The following SLC35F2 variants were observed in gnomAD, a reference collection of about 807,000 sequenced individuals.
The protein encoded by SLC35F2 is queuine/queuosine transporter SLC35F2.
In SLC35F2, 25 loss-of-function variants were observed where a neutral mutation model predicts 38.1. The observed-to-expected ratio is 0.66, with a 90% confidence interval of 0.48 to 0.92. The LOEUF (loss-of-function observed/expected upper bound fraction) is 0.92, where lower values mean the gene tolerates loss of function less well. SLC35F2 is among the 40% of genes least tolerant of loss of function. The pLI is 0.00. For missense variants in SLC35F2, 409 were observed against 452.9 expected (o/e 0.90, Z 0.88); for synonymous variants, 173 against 181.7 (o/e 0.95, Z 0.38).
intron 1 of SLC35F2, among the ~76,000 whole-genome samples, chr11:107,848,855 A>C (rs1262739828): frequency 6.6e-6 from 1 of 152,174 alleles, no homozygotes; most frequent in East Asian, 1.9e-4. Flanking sequence ...GAACCCCAAG[A>C]GCTCCTCCGG....
chr11:107,819,451 C>A (rs989196156), intron 1 of SLC35F2, among the ~76,000 whole-genome samples: 24 of 152,162 alleles, frequency 1.6e-4, no homozygotes, highest in Admixed American at 1.4e-3. Flanking sequence ...AGGTAGCATT[C>A]TTTCTAAGCA....
intron 1 of SLC35F2, among the ~76,000 whole-genome samples, chr11:107,848,221 C>T (rs763054963): frequency 6.6e-6 from 1 of 151,268 alleles, no homozygotes; most frequent in Non-Finnish European, 1.5e-5. Flanking sequence ...TATTTTACCA[C>T]AATAAAAAAG....
chr11:107,834,610 A>G (rs1010177384), intron 1 of SLC35F2, among the ~76,000 whole-genome samples: 1 of 152,168 alleles, frequency 6.6e-6, no homozygotes, highest in African/African-American at 2.4e-5. Context: ...AGATCGCGCT[A>G]TTGCACTCCA....
intron 7 of SLC35F2, among the ~76,000 whole-genome samples, chr11:107,796,697 CT>C (rs1859222549): frequency 2.0e-5 from 3 of 152,092 alleles, no homozygotes; most frequent in African/African-American, 7.2e-5. Context: ...GAGACAGGGT[CT>C]GGCTCTGTCA....
intron 1 of SLC35F2, among the ~76,000 whole-genome samples, chr11:107,853,866 A>G (rs910972809): frequency 6.6e-6 from 1 of 152,004 alleles, no homozygotes; most frequent in Admixed American, 6.6e-5. Context: ...AATAATAATT[A>G]AAGGTTTTTG....
chr11:107,791,554 T>G lies in SLC35F2; in HGVS notation c.*1061A>C, dbSNP rs1308579218. On this transcript the variant is annotated 3_prime_UTR_variant, in exon 8 of 8. Transcript: ENST00000525815. ...AGAGAGTTTGCTCTGGGACCTGGAA[T>G]GAGTGATGGAGAAATGTTTTAAACA... 1 of 152,190 alleles carries G rather than the reference T, an allele frequency of 6.6e-6. No homozygotes were observed. Among genetic ancestry groups the G allele is most frequent in the Non-Finnish European group, 1.5e-5 (1 of 68,056 alleles). The allele number at this position is 152,190 out of a possible 1,614,324, so 9.4% of individuals were successfully genotyped here. A position where few individuals can be genotyped will look rare whatever the true frequency, so the allele number is the denominator to read the frequency against.
At chr11:107,795,100 A>G (rs1262026952) in intron 7 of SLC35F2, among the ~76,000 whole-genome samples, 1 of 152,222 alleles carries the variant, frequency 6.6e-6, no homozygotes, top group Non-Finnish European at 1.5e-5. Context: ...TAATCTCATT[A>G]AAATGAGCAT....
intron 1 of SLC35F2, among the ~76,000 whole-genome samples, chr11:107,842,341 T>C (rs1591207077): frequency 7.0e-6 from 1 of 143,314 alleles, no homozygotes; most frequent in African/African-American, 2.6e-5. Flanking sequence ...CTGGTGGAAG[T>C]GGAAAAAAAA....
chr11:107,850,796 G>A (rs1394013344), intron 1 of SLC35F2, among the ~76,000 whole-genome samples: 1 of 151,250 alleles, frequency 6.6e-6, no homozygotes, highest in African/African-American at 2.4e-5. Context: ...ACTCCAGCCT[G>A]GAATGAGACT....
chr11:107,853,636 C>A (rs1465270795), intron 1 of SLC35F2, among the ~76,000 whole-genome samples: 2 of 144,908 alleles, frequency 1.4e-5, no homozygotes, highest in African/African-American at 5.1e-5. Flanking sequence ...AGGAGAATGG[C>A]GTGAACCCGG....
intron 6 of SLC35F2, among the ~76,000 whole-genome samples, chr11:107,804,449 G>A (rs1377438991): frequency 6.6e-6 from 1 of 152,124 alleles, no homozygotes; most frequent in Non-Finnish European, 1.5e-5. Context: ...TTGAAAGCTG[G>A]TTTGACCAAA....
In SLC35F2 at chr11:107,792,051, C is replaced by CACTT. The variant is rs1408942223; in HGVS notation, c.*560_*563dup. 6.6e-6 allele frequency: 1 copy of CACTT among 151,232 alleles called. No homozygotes were observed. Among genetic ancestry groups the CACTT allele is most frequent in the East Asian group, 2.0e-4 (1 of 5,092 alleles). 9.4% of individuals were successfully genotyped at this position (151,232 alleles called of 1,614,324 possible). On this transcript the variant is annotated 3_prime_UTR_variant, in exon 8 of 8. Transcript: ENST00000525815. ...CAGTTTAATGCTTGTATAGTACTCA[C>CACTT]ACTTATATCTCAAGACTTTTCAAGG...
intron 2 of SLC35F2, among the ~76,000 whole-genome samples, chr11:107,812,540 G>A (rs528314860): frequency 3.3e-5 from 5 of 152,204 alleles, no homozygotes; most frequent in South Asian, 2.1e-4. Flanking sequence ...AGGGCAGGGC[G>A]GGAGAAGAGC....
intron 1 of SLC35F2, among the ~76,000 whole-genome samples, chr11:107,827,718 C>T (rs1859776406): frequency 6.7e-6 from 1 of 148,760 alleles, no homozygotes; most frequent in African/African-American, 2.5e-5. Context: ...CACTGCACTC[C>T]AGCCTGGGCG....
intron 7 of SLC35F2, 51 bp downstream of exon 7, chr11:107,802,949 GT>G: frequency 4.0e-6 from 6 of 1,505,998 alleles, no homozygotes; most frequent in East Asian, 2.5e-5. Flanking sequence ...AACCTGCTAC[GT>G]TTTTTGGATC....
At chr11:107,835,599 T>G (rs1050238737) in intron 1 of SLC35F2, among the ~76,000 whole-genome samples, 1 of 152,078 alleles carries the variant, frequency 6.6e-6, no homozygotes, top group African/African-American at 2.4e-5. Context: ...CCAGCTAATT[T>G]TTTTATTTTT....
At chr11:107,842,896 C>T (rs924372766) in intron 1 of SLC35F2, among the ~76,000 whole-genome samples, 1 of 152,016 alleles carries the variant, frequency 6.6e-6, no homozygotes, top group South Asian at 2.1e-4. Flanking sequence ...AGCAAAAAAC[C>T]CGGAAAAAAC....
chr11:107,819,481 T>A (rs551812240), intron 1 of SLC35F2, among the ~76,000 whole-genome samples: 5 of 152,344 alleles, frequency 3.3e-5, no homozygotes, highest in African/African-American at 1.2e-4. Context: ...AGGCACCAGC[T>A]GATGAGCTAA....
intron 3 of SLC35F2, 41 bp downstream of exon 3, chr11:107,811,626 G>T: frequency 6.5e-7 from 1 of 1,548,966 alleles, no homozygotes; most frequent in South Asian, 1.2e-5. Flanking sequence ...TTCTTCTTTT[G>T]AAGCTATAAA....
Sources: gnomAD v4.1 joint callset for allele counts (sites outside exome capture counted in the v4.1 genomes callset) on GRCh38, gnomAD v4.1.1 for gene constraint, MANE v1.5 for transcripts, NCBI Gene and HGNC (gene_info 2026-07-23, HGNC 2026-07-21) for gene names.